The following VPS13B variants were observed in gnomAD, a reference collection of about 807,000 sequenced individuals.
VPS13B encodes vacuolar protein sorting 13 homolog B.
In VPS13B, 285 loss-of-function variants were observed where a neutral mutation model predicts 426.4. The observed-to-expected ratio is 0.67, with a 90% CI of 0.61 to 0.74. VPS13B has a LOEUF of 0.74. Ranked by LOEUF, VPS13B falls within the 30% of genes least tolerant of loss-of-function variation. The pLI is 0.00. For missense variants in VPS13B, 4,537 were observed against 4,782.6 expected (o/e 0.95, Z 1.51); for synonymous variants, 1,676 against 1,676.4 (o/e 1.00, Z 0.01).
chr8:99,252,778 C>T (rs1481502157), intron 17 of VPS13B, among the ~76,000 whole-genome samples: 2 of 151,768 alleles, frequency 1.3e-5, no homozygotes, highest in South Asian at 4.1e-4. Flanking sequence ...TCCTCTTAAG[C>T]CTACTTTATT....
chr8:99,097,998 G>T (rs1846519824), intron 4 of VPS13B, among the ~76,000 whole-genome samples: 1 of 152,160 alleles, frequency 6.6e-6, no homozygotes. Context: ...ACAAAGACTT[G>T]GTTGAAAAGG....
intron 27 of VPS13B, among the ~76,000 whole-genome samples, chr8:99,503,302 T>G (rs1002651964): frequency 6.6e-6 from 1 of 152,196 alleles, no homozygotes; most frequent in Non-Finnish European, 1.5e-5. Context: ...AGTCATAATC[T>G]TGTTGCTGAT....
At chr8:99,396,000 A>T (rs1814708455) in intron 21 of VPS13B, among the ~76,000 whole-genome samples, 1 of 152,208 alleles carries the variant, frequency 6.6e-6, no homozygotes, top group South Asian at 2.1e-4. Context: ...TTGCAAGAAA[A>T]AGAAATTAAT....
Position 99,166,459 on chromosome 8 carries a change from G to A in VPS13B, c.2209-3580G>A, listed in dbSNP as rs540209214. On this transcript the variant is annotated intron_variant, in intron 15 of 61. Coordinates refer to ENST00000357162, the MANE Select transcript of VPS13B (RefSeq NM_152564.5). ...ACAAGCAGTGTGTGGGATTTGGCCTGTAGGCTGTAGTTGGTTTTTGTTCTG... is the reference window on the plus strand; with the variant it reads ...ACAAGCAGTGTGTGGGATTTGGCCTATAGGCTGTAGTTGGTTTTTGTTCTG... Among the ~76,000 whole-genome samples, 5 of 152,318 alleles carry A rather than the reference G, an allele frequency of 3.3e-5. No homozygotes were observed. In the East Asian group the frequency reaches 9.6e-4, roughly 29 times the overall value.
intron 43 of VPS13B, among the ~76,000 whole-genome samples, chr8:99,798,463 C>A (rs1563921991): frequency 6.6e-6 from 1 of 152,092 alleles, no homozygotes; most frequent in Non-Finnish European, 1.5e-5. Context: ...CTTTATATTT[C>A]AAAGTTTCTT....
intron 15 of VPS13B, among the ~76,000 whole-genome samples, chr8:99,168,346 A>G (rs1812134337): frequency 6.6e-6 from 1 of 152,172 alleles, no homozygotes; most frequent in African/African-American, 2.4e-5. Flanking sequence ...TCTACACCCA[A>G]TTTCCTTCTG....
intron 19 of VPS13B, among the ~76,000 whole-genome samples, chr8:99,283,248 G>A (rs1334592470): frequency 1.3e-5 from 2 of 152,122 alleles, no homozygotes; most frequent in Non-Finnish European, 2.9e-5. Context: ...ATATATTGTA[G>A]CAATTAAAGA....
chr8:99,737,278 G>A (rs1332827934), intron 39 of VPS13B, among the ~76,000 whole-genome samples: 2 of 151,186 alleles, frequency 1.3e-5, no homozygotes, highest in South Asian at 2.1e-4. Flanking sequence ...CCGCCACCAC[G>A]CCCGGCTAAT....
At chr8:99,364,598 A>G (rs1032597987) in intron 19 of VPS13B, among the ~76,000 whole-genome samples, 6 of 151,928 alleles carry the variant, frequency 3.9e-5, no homozygotes, top group Non-Finnish European at 5.9e-5. Context: ...ATGCACAACT[A>G]ATTTTTGTAT....
chr8:99,081,257 G>A (rs1465927988), intron 3 of VPS13B, among the ~76,000 whole-genome samples: 1 of 152,074 alleles, frequency 6.6e-6, no homozygotes, highest in Non-Finnish European at 1.5e-5. Flanking sequence ...ATGGCCACCT[G>A]TCTTTCTCAA....
intron 30 of VPS13B, among the ~76,000 whole-genome samples, chr8:99,547,624 A>G (rs539058568): frequency 6.6e-6 from 1 of 152,200 alleles, no homozygotes; most frequent in African/African-American, 2.4e-5. Flanking sequence ...AAAGGAAAAC[A>G]TTAAAGCTAT....
chr8:99,084,963 A>G (rs2076986051), intron 3 of VPS13B, among the ~76,000 whole-genome samples: 1 of 151,976 alleles, frequency 6.6e-6, no homozygotes, highest in Admixed American at 6.6e-5. Flanking sequence ...GTAGATGTCT[A>G]TTAGGTCTGC....
At chr8:99,039,521 G>A (rs898561658) in intron 3 of VPS13B, among the ~76,000 whole-genome samples, 14 of 149,936 alleles carry the variant, frequency 9.3e-5, no homozygotes, top group African/African-American at 3.2e-4. Context: ...GAAGAGTAGT[G>A]TGTCTGTCAT....
chr8:99,634,325 T>C (rs1828985808), intron 33 of VPS13B, among the ~76,000 whole-genome samples: 1 of 152,018 alleles, frequency 6.6e-6, no homozygotes, highest in South Asian at 2.1e-4. Context: ...CAACTTAAAT[T>C]AGAACAATAG....
intron 21 of VPS13B, among the ~76,000 whole-genome samples, chr8:99,408,109 G>A (rs1330450075): frequency 6.6e-6 from 1 of 152,172 alleles, no homozygotes; most frequent in African/African-American, 2.4e-5. Context: ...GCCAGATCCT[G>A]TAGGGACTTA....
intron 31 of VPS13B, among the ~76,000 whole-genome samples, chr8:99,566,867 A>G (rs1269666886): frequency 6.6e-6 from 1 of 152,220 alleles, no homozygotes; most frequent in Non-Finnish European, 1.5e-5. Flanking sequence ...TGTGAGCACT[A>G]TAACTGGTAC....
chr8:99,147,436 G>A (rs1185157497), intron 13 of VPS13B, among the ~76,000 whole-genome samples: 3 of 152,076 alleles, frequency 2.0e-5, no homozygotes, highest in Non-Finnish European at 2.9e-5. Flanking sequence ...TAAAATTTTT[G>A]TTTTTAATAT....
In VPS13B at chr8:99,192,946, A is replaced by G. The variant is rs1312204061; in HGVS notation, c.2404A>G (p.Arg802Gly). ...ELPNLTIQAT[R>G]AQTLLLQAIY... ...TCCAAATCTCACAATTCAAGCTACA[A>G]GAGCACAGACACTTCTCTTGCAAGC... The change falls in exon 17 of 62, where the codon AGA (arginine) becomes GGA (glycine). Residue 802 changes from arginine (R) to glycine (G), a missense_variant. Transcript: ENST00000357162. The G allele has an allele frequency of 1.9e-6, 3 of 1,613,740 alleles. No individual in the cohort carries two copies. The highest frequency in any genetic ancestry group is 1.7e-5 in the Admixed American group (1 of 60,020).
At chr8:99,691,728 A>G (rs537760565) in intron 35 of VPS13B, among the ~76,000 whole-genome samples, 11 of 148,580 alleles carry the variant, frequency 7.4e-5, no homozygotes, top group African/African-American at 2.8e-4. Flanking sequence ...AAATGCTCCA[A>G]TTAAAAGACA....
Sources: allele counts gnomAD v4.1 joint callset (sites outside exome capture counted in the v4.1 genomes callset), GRCh38; gene constraint gnomAD v4.1.1; transcripts MANE v1.5; gene names NCBI Gene and HGNC (gene_info 2026-07-23, HGNC 2026-07-21).